ART3: variants seen among roughly 807,000 people sequenced by gnomAD.
The protein encoded by ART3 is ecto-ADP-ribosyltransferase 3.
A neutral mutation model predicts 48.5 loss-of-function variants in ART3; 49 were observed. The observed-to-expected ratio is 1.01, with a 90% CI of 0.80 to 1.28. The LOEUF (loss-of-function observed/expected upper bound fraction) is 1.28, where lower values mean the gene tolerates loss of function less well. Ranked by LOEUF, ART3 falls within the 50% of genes most tolerant of loss-of-function variation. The probability of loss-of-function intolerance (pLI) is 0.00; values close to 1 mark genes in which losing one functional copy is unlikely to be tolerated. For synonymous variants in ART3, 145 were observed against 157.2 expected (o/e 0.92, Z 0.58); for missense variants, 438 against 454.3 (o/e 0.96, Z 0.33).
intron 1 of ART3, chr4:76,022,785 A>G (rs1227385544): frequency 2.5e-6 from 4 of 1,612,318 alleles, no homozygotes; most frequent in Non-Finnish European, 3.4e-6. Context: ...ATGCTGATGC[A>G]GGTACAGCGT....
In ART3 at chr4:76,035,191, C is replaced by T. The variant is rs116748876; in HGVS notation, c.-10+23871C>T. The T allele has an allele frequency of 2.1e-3, 3,455 of 1,613,972 alleles. 56 individuals carry two copies. The African/African-American group carries it at 0.039, about 18-fold the overall frequency. On this transcript the variant is annotated intron_variant, in intron 1 of 9. Coordinates refer to the ART3 transcript ENST00000341029. ...TAAACAAAAAAGCCTGCACCATTGT[C>T]ATCTTCAGCAAGTTCATTACTTACA... is the stretch of plus-strand genomic sequence containing the variant.
rs201551056 is a variant in ART3, at chr4:76,075,897, C to T, written c.8C>T (p.Thr3Met). 120 of 1,611,218 alleles carry T rather than the reference C, an allele frequency of 7.4e-5. No individual in the cohort carries two copies. The highest frequency in any genetic ancestry group is 2.6e-4 in the South Asian group (24 of 90,760). Residue 3 changes from threonine (T) to methionine (M), a missense_variant, in exon 2 of 12, where the codon ACG becomes ATG. Thr to Met is a moderately conservative substitution (Grantham distance 81, BLOSUM62 -1). Coordinates refer to ENST00000355810, the MANE Select transcript of ART3 (RefSeq NM_001130016.3). ...TTAATTTAGAAGAGAAAAATGAAGACGGGACATTTTGAAATAGTCACCATG... is the reference window on the plus strand; with the variant it reads ...TTAATTTAGAAGAGAAAAATGAAGATGGGACATTTTGAAATAGTCACCATG... MK[T>M]GHFEIVTMLL...
intron 1 of ART3, 33 bp from the exon 2 acceptor site, chr4:76,075,848 C>G: frequency 6.5e-7 from 1 of 1,541,938 alleles, no homozygotes; most frequent in Non-Finnish European, 8.9e-7. Flanking sequence ...TTTTTTGAGT[C>G]TACTGAATTG....
Position 76,082,074 on chromosome 4 carries a change from A to G in ART3, c.320A>G (p.Glu107Gly), listed in dbSNP as rs1722610739. The G allele has an allele frequency of 6.2e-7, 1 of 1,614,206 alleles. No individual in the cohort carries two copies. The highest frequency in any genetic ancestry group is 1.3e-5 in the African/African-American group (1 of 75,052). Reference sequence around the variant, plus strand: ...ATGGCATATATTTCCGAAGCTCAAGAGCAAACTCCCTTTTACCATCTGTTC... The same window carrying G: ...ATGGCATATATTTCCGAAGCTCAAGGGCAAACTCCCTTTTACCATCTGTTC... ...ALMAYISEAQ[E>G]QTPFYHLFSE... Residue 107 changes from glutamate to glycine, a missense_variant, in exon 3 of 12, where the codon GAG (glutamate) becomes GGG (glycine). Physicochemically the swap from Glu to Gly is moderately conservative, Grantham distance 98 (BLOSUM62 -2). This residue lies in a region of ART3 where 206 missense variants were observed against 205.3 expected (regional missense o/e 1.00). Coordinates refer to ENST00000355810, the MANE Select transcript of ART3 (RefSeq NM_001130016.3).
chr4:76,068,572 A>C (rs1254632344), intron 1 of ART3, among the ~76,000 whole-genome samples: 1 of 152,342 alleles, frequency 6.6e-6, no homozygotes, highest in East Asian at 1.9e-4. Flanking sequence ...TGGAAGCCAA[A>C]TCATGAGAAC....
intron 1 of ART3, among the ~76,000 whole-genome samples, chr4:76,031,887 G>C (rs1733901670): frequency 6.6e-6 from 1 of 152,116 alleles, no homozygotes; most frequent in Non-Finnish European, 1.5e-5. Flanking sequence ...AATAGAGAGT[G>C]TTATGGAAAT....
chr4:76,056,124 G>GT (rs2149469075), intron 1 of ART3, among the ~76,000 whole-genome samples: 1 of 152,302 alleles, frequency 6.6e-6, no homozygotes, highest in African/African-American at 2.4e-5. Flanking sequence ...TGCTCCCTCA[G>GT]TGCCATCCCT....
rs1259233741 is a variant in ART3, at chr4:76,104,619, T to C, written c.993T>C (p.Phe331=). Residue 331 remains phenylalanine, a synonymous_variant, in exon 10 of 12, where the codon TTT becomes TTC. Coordinates refer to ENST00000355810, the MANE Select transcript of ART3 (RefSeq NM_001130016.3). The part of the protein sequence containing the change: ...QIPGMKIPEP[F]PLPEDKSQGN... ...TAGGAATGAAAATTCCAGAACCTTT[T>C]CCACTACCTGGTAAGCAACTGATAG... 1.3e-6 allele frequency: 2 copies of C among 1,551,466 alleles called. No homozygotes were observed. The highest frequency in any genetic ancestry group is 2.0e-5 in the Admixed American group (1 of 50,974).
intron 2 of ART3, among the ~76,000 whole-genome samples, chr4:76,079,399 T>C (rs1398862872): frequency 6.6e-6 from 1 of 152,156 alleles, no homozygotes; most frequent in East Asian, 1.9e-4. Context: ...CGATTGTAAG[T>C]TTCGTCTTAG....
At chr4:76,045,755 G>A (rs948290476) in intron 1 of ART3, among the ~76,000 whole-genome samples, 1 of 151,972 alleles carries the variant, frequency 6.6e-6, no homozygotes, top group Non-Finnish European at 1.5e-5. Context: ...TGCCCTCTGG[G>A]TTTCCTTGAT....
At chr4:76,034,723 G>T (rs746384125) in intron 1 of ART3, 28 of 1,118,622 alleles carry the variant, frequency 2.5e-5, no homozygotes, top group Non-Finnish European at 3.4e-5. Flanking sequence ...TGTCATTTCA[G>T]TAGTCACAGT....
Position 76,112,614 on chromosome 4 carries a change from C to G in ART3, c.*95C>G. On this transcript the variant is annotated 3_prime_UTR_variant, in exon 12 of 12. Transcript: ENST00000355810. ...GAATGATGTATTTTTTACGTGTTGG[C>G]CAAAGTCACTGGATAAAATGAGAAT... The G allele has an allele frequency of 1.5e-6, 2 of 1,338,320 alleles. No homozygotes were observed. Among genetic ancestry groups the G allele is most frequent in the Middle Eastern group, 2.0e-4 (1 of 5,072 alleles). The allele number at this position is 1,338,320 out of a possible 1,614,324, so 82.9% of individuals were successfully genotyped here. A position where few individuals can be genotyped will look rare whatever the true frequency, so the allele number is the denominator to read the frequency against.
At chr4:76,028,727 G>A (rs886700813) in intron 1 of ART3, among the ~76,000 whole-genome samples, 3 of 152,158 alleles carry the variant, frequency 2.0e-5, no homozygotes, top group South Asian at 2.1e-4. Flanking sequence ...TGGTAATACT[G>A]GTTACATACT....
chr4:76,091,679 C>CTTTTTTTT (rs869226732), intron 3 of ART3, among the ~76,000 whole-genome samples: 1 of 112,308 alleles, frequency 8.9e-6, no homozygotes, highest in East Asian at 2.4e-4. Context: ...TGTAGCTTAT[C>CTTTTTTTT]TTTTTTTTTT....
chr4:76,041,813 T>G (rs1372258434), intron 1 of ART3, among the ~76,000 whole-genome samples: 1 of 152,202 alleles, frequency 6.6e-6, no homozygotes, highest in African/African-American at 2.4e-5. Context: ...CATACTTATT[T>G]TAAACTAAAG....
chr4:76,082,291 G>A lies in ART3; in HGVS notation c.537G>A (p.Arg179=). 6.2e-7 allele frequency: 1 copy of A among 1,614,154 alleles called. No individual in the cohort carries two copies. The highest frequency in any genetic ancestry group is 8.5e-7 in the Non-Finnish European group (1 of 1,180,036). The part of the protein sequence containing the change: ...SFTFGGLNQA[R]FGHFTLAYSA... ...CATTTGGAGGGCTAAACCAAGCCAG[G>A]TTTGGCCATTTTACCTTGGCATATT... is the stretch of plus-strand genomic sequence containing the variant. The change falls in exon 3 of 12, where the codon AGG becomes AGA. Residue 179 remains arginine (R), a synonymous_variant. Transcript: ENST00000355810.
At chr4:76,096,265 C>T (rs1387273584) in intron 3 of ART3, among the ~76,000 whole-genome samples, 1 of 152,148 alleles carries the variant, frequency 6.6e-6, no homozygotes, top group Non-Finnish European at 1.5e-5. Context: ...TTTTAAATTT[C>T]TAGTCTAGTC....
At chr4:76,085,265 G>T (rs1286967394) in intron 3 of ART3, among the ~76,000 whole-genome samples, 1 of 152,146 alleles carries the variant, frequency 6.6e-6, no homozygotes, top group Admixed American at 6.6e-5. Context: ...GCCTCAAAGT[G>T]GGATAGACTT....
chr4:76,084,127 C>T (rs1252173517), intron 3 of ART3, among the ~76,000 whole-genome samples: 1 of 152,174 alleles, frequency 6.6e-6, no homozygotes, highest in Non-Finnish European at 1.5e-5. Flanking sequence ...TAAATTTCTT[C>T]TTTCCCCTGG....
Sources: gnomAD v4.1 joint callset for allele counts (sites outside exome capture counted in the v4.1 genomes callset) on GRCh38, gnomAD v4.1.1 for gene constraint, gnomAD v4.1.1 regional missense constraint, MANE v1.5 for transcripts, NCBI Gene and HGNC (gene_info 2026-07-23, HGNC 2026-07-21) for gene names.